Variants in GIPC2 observed in about 807,000 individuals in gnomAD.
GIPC2 encodes PDZ domain-containing protein GIPC2.
A neutral mutation model predicts 30.6 loss-of-function variants in GIPC2; 30 were observed. The observed-to-expected ratio is 0.98, with a 90% CI of 0.73 to 1.33. GIPC2 has a LOEUF of 1.33. Among genes scored for constraint, GIPC2 ranks in the 40% most tolerant of loss-of-function variants. The pLI is 0.00. For missense variants in GIPC2, 414 were observed against 390.3 expected (o/e 1.06, Z -0.51); for synonymous variants, 167 against 150.0 (o/e 1.11, Z -0.83).
At chr1:78,050,107 G>A (rs1174317542) in intron 1 of GIPC2, among the ~76,000 whole-genome samples, 2 of 151,842 alleles carry the variant, frequency 1.3e-5, no homozygotes, top group East Asian at 3.9e-4. Context: ...TGTTGGCCAG[G>A]CTGGTCTCAA....
intron 2 of GIPC2, among the ~76,000 whole-genome samples, chr1:78,082,871 A>G (rs1661857673): frequency 6.6e-6 from 1 of 152,216 alleles, no homozygotes; most frequent in Non-Finnish European, 1.5e-5. Flanking sequence ...AAGAACTCCC[A>G]TAAATCATTT....
intron 3 of GIPC2, among the ~76,000 whole-genome samples, chr1:78,116,325 C>T (rs1662565825): frequency 6.6e-6 from 1 of 152,118 alleles, no homozygotes; most frequent in Admixed American, 6.5e-5. Context: ...TGGGTGGGAA[C>T]ACAGAGCCAA....
chr1:78,046,429 C>A (rs894754828), intron 1 of GIPC2, 95 bp downstream of exon 1: 13 of 1,194,970 alleles, frequency 1.1e-5, no homozygotes, highest in Middle Eastern at 2.7e-4. Context: ...AGCGGCGTTT[C>A]CCGGAGCGCG....
At chr1:78,045,710 G>A (rs372692191), upstream of GIPC2, 3 of 985,366 alleles carry the variant, frequency 3.0e-6, no homozygotes, top group South Asian at 9.4e-5. Flanking sequence ...TCATGCGTGG[G>A]TGCCTACTAC....
intron 3 of GIPC2, among the ~76,000 whole-genome samples, chr1:78,106,250 AAG>A (rs1254925809): frequency 7.0e-6 from 1 of 143,532 alleles, no homozygotes; most frequent in Admixed American, 7.1e-5. Context: ...AAAAAAAAAA[AAG>A]AAAAAAATGT....
chr1:78,051,885 C>T (rs999841545), intron 1 of GIPC2, among the ~76,000 whole-genome samples: 1 of 152,180 alleles, frequency 6.6e-6, no homozygotes, highest in African/African-American at 2.4e-5. Flanking sequence ...CACCTGTTCC[C>T]ATCCCCTGTA....
chr1:78,122,175 T>C (rs1175673932), intron 4 of GIPC2, among the ~76,000 whole-genome samples: 2 of 152,232 alleles, frequency 1.3e-5, no homozygotes, highest in African/African-American at 4.8e-5. Flanking sequence ...ATTTTCATAG[T>C]CTGTTTAGTA....
chr1:78,123,453 A>G (rs938237379), intron 4 of GIPC2, among the ~76,000 whole-genome samples: 2 of 151,956 alleles, frequency 1.3e-5, no homozygotes, highest in African/African-American at 4.8e-5. Context: ...CTAGAGGCAT[A>G]GGCTGGGGTT....
upstream of GIPC2, chr1:78,045,179 T>C: frequency 1.6e-6 from 1 of 628,664 alleles, no homozygotes; most frequent in Non-Finnish European, 2.0e-6. Context: ...GCATAGTAAG[T>C]GAAATTTCAG....
upstream of GIPC2, chr1:78,045,533 G>A (rs1661051615): frequency 2.0e-6 from 2 of 984,794 alleles, no homozygotes; most frequent in Non-Finnish European, 2.4e-6. Context: ...ACCCGGCTGA[G>A]GGGGTTTATG....
At chr1:78,065,764 T>A (rs1213628276) in intron 1 of GIPC2, among the ~76,000 whole-genome samples, 1 of 152,148 alleles carries the variant, frequency 6.6e-6, no homozygotes, top group African/African-American at 2.4e-5. Context: ...AATTATCTGG[T>A]CCTTGACATA....
Position 78,089,900 on chromosome 1 carries a change from CA to C in GIPC2, c.427-5047del, listed in dbSNP as rs1202125339. Among the ~76,000 whole-genome samples the C allele has an allele frequency of 2.0e-5, 3 of 152,156 alleles. No individual in the cohort carries two copies. The East Asian group carries it at 5.8e-4, about 29-fold the overall frequency. ...ACTACTTAACTAAGCCCATGTAGCA[CA>C]AAAACAGTTACAGATAATACTTAGA... On this transcript the variant is annotated intron_variant, in intron 2 of 5. Coordinates refer to ENST00000370759, the MANE Select transcript of GIPC2 (RefSeq NM_017655.6).
chr1:78,061,906 T>C (rs1661402210), intron 1 of GIPC2, among the ~76,000 whole-genome samples: 1 of 152,226 alleles, frequency 6.6e-6, no homozygotes, highest in African/African-American at 2.4e-5. Context: ...CATGAGCCAC[T>C]GTGCCCAGCC....
At chr1:78,079,049 C>T (rs572695785) in intron 1 of GIPC2, among the ~76,000 whole-genome samples, 1 of 152,240 alleles carries the variant, frequency 6.6e-6, no homozygotes, top group South Asian at 2.1e-4. Flanking sequence ...CTTGACTTAA[C>T]CGATTTTTTT....
chr1:78,052,787 C>T (rs768562909), intron 1 of GIPC2, among the ~76,000 whole-genome samples: 1 of 152,178 alleles, frequency 6.6e-6, no homozygotes, highest in East Asian at 1.9e-4. Flanking sequence ...TGAGGAGCTG[C>T]TTCCTGAGGC....
chr1:78,103,119 A>G (rs571769974), intron 3 of GIPC2, among the ~76,000 whole-genome samples: 3 of 152,378 alleles, frequency 2.0e-5, no homozygotes, highest in South Asian at 2.1e-4. Context: ...TAAACCAAGC[A>G]GTCAGCCTCC....
chr1:78,069,327 C>T (rs952439197), intron 1 of GIPC2, among the ~76,000 whole-genome samples: 3 of 152,202 alleles, frequency 2.0e-5, no homozygotes, highest in African/African-American at 7.2e-5. Context: ...CTTGTGGATT[C>T]AGTCCTGTCA....
chr1:78,093,551 C>G (rs1223859670), intron 2 of GIPC2, among the ~76,000 whole-genome samples: 2 of 152,108 alleles, frequency 1.3e-5, no homozygotes, highest in African/African-American at 4.8e-5. Flanking sequence ...TATAATAATG[C>G]AATTTAAACA....
chr1:78,135,429 TGA>T (rs1662982149), intron 5 of GIPC2, among the ~76,000 whole-genome samples, 161 bp from the exon 6 acceptor site: 3 of 152,204 alleles, frequency 2.0e-5, no homozygotes, highest in Admixed American at 2.0e-4. Context: ...TGTGTGTGTG[TGA>T]GAGAGGGTAT....
Sources: allele counts gnomAD v4.1 joint callset (sites outside exome capture counted in the v4.1 genomes callset), GRCh38; gene constraint gnomAD v4.1.1; transcripts MANE v1.5; gene names NCBI Gene and HGNC (gene_info 2026-07-23, HGNC 2026-07-21).